RTCB: variants seen among roughly 807,000 people sequenced by gnomAD.
RTCB encodes the protein RNA 2',3'-cyclic phosphate and 5'-OH ligase.
Under a neutral mutation model 58.2 loss-of-function variants are expected in RTCB, and 32 were observed. The ratio of observed to expected loss-of-function variants is 0.55; its 90% CI spans 0.41 to 0.74. The LOEUF is 0.74. Ranked by LOEUF, RTCB falls within the 30% of genes least tolerant of loss-of-function variation. The probability of loss-of-function intolerance (pLI) is 0.00; values close to 1 mark genes in which losing one functional copy is unlikely to be tolerated. For synonymous variants in RTCB, 247 were observed against 218.6 expected (o/e 1.13, Z -1.15); for missense variants, 523 against 639.0 (o/e 0.82, Z 1.96).
At chr22:32,411,926 GAGA>G (rs532546110) in intron 1 of RTCB, 135 bp downstream of exon 1, 251 of 639,264 alleles carry the variant, frequency 3.9e-4, no homozygotes, top group Admixed American at 1.9e-3. Context: ...ACCGTGAGGG[GAGA>G]AGGACGGGAT....
intron 4 of RTCB, 109 bp downstream of exon 4, chr22:32,406,553 C>A (rs952932698): frequency 3.0e-6 from 2 of 662,060 alleles, no homozygotes; most frequent in Non-Finnish European, 5.5e-6. Flanking sequence ...GATCTCTTGA[C>A]CTCATGATCC....
intron 4 of RTCB, among the ~76,000 whole-genome samples, chr22:32,404,131 G>A (rs1601429938): frequency 6.6e-6 from 1 of 152,146 alleles, no homozygotes; most frequent in South Asian, 2.1e-4. Context: ...TGGGAGGGCA[G>A]GTATCTCTTT....
chr22:32,400,089 G>C, intron 5 of RTCB: 1 of 186,170 alleles, frequency 5.4e-6, no homozygotes. Context: ...TGATTAAACA[G>C]ACAAAAACAA....
Position 32,412,196 on chromosome 22 carries a change from GA to G in RTCB, c.-41del. ...TAGCAAAAACTCCCGGCTCCGCTTT[GA>G]AGAGCCGCTGCCGCGTAGTCCGGCT... On this transcript the variant is annotated 5_prime_UTR_variant, in exon 1 of 12. Coordinates refer to ENST00000216038, the MANE Select transcript of RTCB (RefSeq NM_014306.5). The G allele has an allele frequency of 6.6e-7, 1 of 1,512,360 alleles. No homozygotes were observed. The highest frequency in any genetic ancestry group is 9.0e-7 in the Non-Finnish European group (1 of 1,111,234). The allele number at this position is 1,512,360 out of a possible 1,614,324, so 93.7% of individuals were successfully genotyped here.
At chr22:32,404,854 TA>T (rs919637615) in intron 4 of RTCB, among the ~76,000 whole-genome samples, 2 of 149,354 alleles carry the variant, frequency 1.3e-5, no homozygotes, top group East Asian at 1.9e-4. Context: ...TAATTTTTTG[TA>T]TTTTTTTTTT....
At chr22:32,391,568 G>C (rs1322137163) in intron 11 of RTCB, among the ~76,000 whole-genome samples, 1 of 151,848 alleles carries the variant, frequency 6.6e-6, no homozygotes, top group Non-Finnish European at 1.5e-5. Flanking sequence ...GCTAATTTTT[G>C]TATTTTTAGT....
chr22:32,389,330 GA>G (rs948426609), intron 11 of RTCB, among the ~76,000 whole-genome samples: 13 of 152,100 alleles, frequency 8.5e-5, no homozygotes, highest in African/African-American at 2.9e-4. Context: ...GAAGCAGCCA[GA>G]ATATTCATAA....
At chr22:32,406,837 T>C (rs1005766764) in intron 3 of RTCB, 76 bp from the exon 4 acceptor site, 1 of 978,696 alleles carries the variant, frequency 1.0e-6, no homozygotes, top group Non-Finnish European at 1.6e-6. Flanking sequence ...CTGACACTGA[T>C]TCTCAAACAG....
At chr22:32,388,558 T>C (rs760708995) in intron 11 of RTCB, among the ~76,000 whole-genome samples, 8 of 152,198 alleles carry the variant, frequency 5.3e-5, no homozygotes, top group Non-Finnish European at 1.2e-4. Context: ...ATAAAATTCA[T>C]ATATGTATAA....
At chr22:32,391,452 G>A (rs1933153454) in intron 11 of RTCB, among the ~76,000 whole-genome samples, 1 of 148,716 alleles carries the variant, frequency 6.7e-6, no homozygotes, top group Non-Finnish European at 1.5e-5. Context: ...CTGGAGTGCA[G>A]TGGCATGATC....
chr22:32,388,913 CCTT>C lies in RTCB; in HGVS notation c.1411-817_1411-815del, dbSNP rs200857056. On this transcript the variant is annotated intron_variant, in intron 11 of 11. Coordinates refer to ENST00000216038, the MANE Select transcript of RTCB (RefSeq NM_014306.5). Reference sequence around the variant, plus strand: ...CCTTCTTCTTTGAATGTTCCCTTCACCTTCTTGTTTTACTGAAACACGGATCTT... The same window carrying C: ...CCTTCTTCTTTGAATGTTCCCTTCACCTTGTTTTACTGAAACACGGATCTT... Among the ~76,000 whole-genome samples the C allele has an allele frequency of 6.6e-3, 1,011 of 152,280 alleles. 11 individuals are homozygous for C. The highest frequency in any genetic ancestry group is 9.6e-3 in the Non-Finnish European group (652 of 68,026).
rs537181968 is a variant in RTCB at position 32,394,333 on chromosome 22, G to C, written c.1180-331C>G. ...TCACCATGTTAGCCAGGATGGTCTC[G>C]ATCTCCCGAACTCGTGATTTGCCCG... On this transcript the variant is annotated intron_variant, in intron 9 of 11. Coordinates refer to ENST00000216038, the MANE Select transcript of RTCB (RefSeq NM_014306.5). 9.9e-5 allele frequency among the ~76,000 whole-genome samples: 15 copies of C among 152,064 alleles called. No individual in the cohort carries two copies. The South Asian group carries it at 1.7e-3, about 17-fold the overall frequency.
intron 4 of RTCB, among the ~76,000 whole-genome samples, chr22:32,404,874 C>T (rs553699290): frequency 4.6e-5 from 7 of 150,890 alleles, no homozygotes; most frequent in African/African-American, 1.5e-4. Flanking sequence ...TTTTTAGAGA[C>T]GGGGTTTTGT....
chr22:32,399,616 C>G lies in RTCB; in HGVS notation c.641G>C (p.Arg214Thr). 6.2e-7 allele frequency: 1 copy of G among 1,612,450 alleles called. No homozygotes were observed. The highest frequency in any genetic ancestry group is 1.3e-5 in the African/African-American group (1 of 74,986). Reference sequence around the variant, plus strand: ...AAAGTGAGTTACCTGAGGAAGGCCTCTTTTCTTCGCCCTTGCAGAAACTTT... The same window carrying G: ...AAAGTGAGTTACCTGAGGAAGGCCTGTTTTCTTCGCCCTTGCAGAAACTTT... Reference protein sequence around the residue: ...PNKVSARAKKRGLPQLGTLGA... With the variant: ...PNKVSARAKKTGLPQLGTLGA... Residue 214 changes from arginine to threonine, a missense_variant, in exon 6 of 12, where the codon AGA (arginine) becomes ACA (threonine). Physicochemically the swap from Arg to Thr is moderately conservative, Grantham distance 71 (BLOSUM62 -1). Coordinates refer to ENST00000216038, the MANE Select transcript of RTCB (RefSeq NM_014306.5).
In RTCB at chr22:32,395,125, C is replaced by T. The variant is rs763820599; in HGVS notation, c.1080G>A (p.Gln360=). The T allele has an allele frequency of 1.9e-5, 31 of 1,614,198 alleles. No homozygotes were observed. The highest frequency in any genetic ancestry group is 2.6e-5 in the Non-Finnish European group (31 of 1,180,038). ...TCCGTTCCTTTCCGTCCACCACATG[C>T]TGCTCCACTTTGGCAATGTTGTGAG... ...DVSHNIAKVE[Q]HVVDGKERTL... Residue 360 remains glutamine (Q), a synonymous_variant, in exon 9 of 12, where the codon CAG becomes CAA. Coordinates refer to ENST00000216038, the MANE Select transcript of RTCB (RefSeq NM_014306.5).
chr22:32,394,112 TTC>T lies in RTCB; in HGVS notation c.1180-112_1180-111del, dbSNP rs779289022. 1.4e-3 allele frequency: 908 copies of T among 649,378 alleles called. 1 individual carries two copies. Among genetic ancestry groups the T allele is most frequent in the Non-Finnish European group, 1.7e-3 (665 of 389,976 alleles). The allele number at this position is 649,378 out of a possible 1,614,324, so 40.2% of individuals were successfully genotyped here. The stretch of plus-strand genomic sequence containing the variant: ...GTAGGATTGTAGGAGAAACCCAGAC[TTC>T]TTTTTTTTTTTTTTGAGATGGGAGT... On this transcript the variant is annotated intron_variant, in intron 9 of 11. Transcript: ENST00000216038.
At chr22:32,390,927 T>G (rs192840155) in intron 11 of RTCB, among the ~76,000 whole-genome samples, 23 of 152,314 alleles carry the variant, frequency 1.5e-4, no homozygotes, top group Non-Finnish European at 2.8e-4. Context: ...CATAGCTTAC[T>G]GTAACCTCAA....
chr22:32,402,239 G>A (rs1933348247), intron 4 of RTCB, among the ~76,000 whole-genome samples: 2 of 151,974 alleles, frequency 1.3e-5, no homozygotes, highest in African/African-American at 2.4e-5. Context: ...CAACTTTTGC[G>A]TTTCTTGGTC....
intron 4 of RTCB, among the ~76,000 whole-genome samples, chr22:32,405,927 G>A (rs1158786198): frequency 1.3e-5 from 2 of 152,132 alleles, no homozygotes; most frequent in Non-Finnish European, 2.9e-5. Context: ...TATATTCAAT[G>A]TTATCATTGA....
Sources: gnomAD v4.1 joint callset for allele counts (sites outside exome capture counted in the v4.1 genomes callset) on GRCh38, gnomAD v4.1.1 for gene constraint, MANE v1.5 for transcripts, NCBI Gene and HGNC (gene_info 2026-07-23, HGNC 2026-07-21) for gene names.